VWF: variants seen among roughly 807,000 people sequenced by gnomAD.
VWF encodes Factor VIII related antigen.
Under a neutral mutation model 308.6 loss-of-function variants are expected in VWF, and 176 were observed. The observed-to-expected ratio is 0.57, with a 90% CI of 0.50 to 0.65. VWF has a LOEUF of 0.65. Among genes scored for constraint, VWF ranks in the 30% least tolerant of loss-of-function variants. VWF has a pLI of 0.00. For synonymous variants in VWF, 1,385 were observed against 1,443.4 expected (o/e 0.96, Z 0.92); for missense variants, 3,146 against 3,648.2 (o/e 0.86, Z 3.55).
chr12:5,963,974 A>G (rs530785603), intron 47 of VWF, among the ~76,000 whole-genome samples: 57 of 152,256 alleles, frequency 3.7e-4, no homozygotes, highest in East Asian at 1.5e-3. Context: ...TTGGGAGGCC[A>G]AGGTGGGCAG....
chr12:6,058,051 G>C lies in VWF; in HGVS notation c.1534-7C>G. On this transcript the variant is annotated splice_region_variant and splice_polypyrimidine_tract_variant and intron_variant, in intron 13 of 51. Transcript: ENST00000261405. This position sits in a 1 kb window ranked among gnomAD's most constrained non-coding sequence, Gnocchi z 4.9. ...CGGCATAGACGGGGGACAGCTGCAG[G>C]AGAGACCAGGCCACTCTGGAGCCGC... The C allele has an allele frequency of 1.2e-6, 2 of 1,612,986 alleles. No individual in the cohort carries two copies. Among genetic ancestry groups the C allele is most frequent in the Non-Finnish European group, 1.7e-6 (2 of 1,180,020 alleles).
intron 47 of VWF, 118 bp downstream of exon 47, chr12:5,967,368 T>C: frequency 1.1e-6 from 1 of 884,016 alleles, no homozygotes; most frequent in Non-Finnish European, 1.9e-6. Flanking sequence ...TGTCAATTAT[T>C]GTTTATAATC....
rs1367049080 is a variant in VWF, at chr12:6,052,690, T to C, written c.2039A>G (p.Asn680Ser). 6.2e-7 allele frequency: 1 copy of C among 1,614,200 alleles called. No homozygotes were observed. Among genetic ancestry groups the C allele is most frequent in the Non-Finnish European group, 8.5e-7 (1 of 1,180,030 alleles). ...RSLSYPDEEC[N>S]EACLEGCFCP... The stretch of plus-strand genomic sequence containing the variant: ...GAAGCAGCCCTCCAGGCAGGCCTCA[T>C]TGCATTCCTCATCCGGGTAAGAGAG... The change falls in exon 16 of 52, where the codon AAT becomes AGT. Residue 680 changes from asparagine (N) to serine (S), a missense_variant. This residue lies in a region of VWF where 1,304 missense variants were observed against 1,353.0 expected (regional missense o/e 0.96). Coordinates refer to ENST00000261405, the MANE Select transcript of VWF (RefSeq NM_000552.5).
Position 6,058,385 on chromosome 12 carries a change from T to A in VWF, c.1534-341A>T, listed in dbSNP as rs977752333. Among the ~76,000 whole-genome samples the A allele has an allele frequency of 1.3e-5, 2 of 151,870 alleles. No individual in the cohort carries two copies. Among genetic ancestry groups the A allele is most frequent in the African/African-American group, 4.8e-5 (2 of 41,358 alleles). Reference sequence around the variant, plus strand: ...CAGGGAGGTAGTGGCGGAGCTAGGGTGAGTAGGCAGGTTGAGCCCAGCCCG... The same window carrying A: ...CAGGGAGGTAGTGGCGGAGCTAGGGAGAGTAGGCAGGTTGAGCCCAGCCCG... On this transcript the variant is annotated intron_variant, in intron 13 of 51. Transcript: ENST00000261405. The surrounding 1 kb of genome is among the most constrained non-coding windows in gnomAD (Gnocchi z 4.9).
intron 20 of VWF, among the ~76,000 whole-genome samples, chr12:6,033,286 G>A (rs537089540): frequency 6.6e-6 from 1 of 152,336 alleles, no homozygotes; most frequent in Non-Finnish European, 1.5e-5. Context: ...AGAAAGGGGA[G>A]GGGCCCCAGG....
chr12:6,122,002 C>T (rs939705145), intron 2 of VWF, among the ~76,000 whole-genome samples: 1 of 152,036 alleles, frequency 6.6e-6, no homozygotes, highest in African/African-American at 2.4e-5. Context: ...CAACATTCAG[C>T]GATGATTAGA....
At chr12:6,033,850 G>A (rs1944301162) in intron 20 of VWF, among the ~76,000 whole-genome samples, 1 of 152,184 alleles carries the variant, frequency 6.6e-6, no homozygotes, top group African/African-American at 2.4e-5. Flanking sequence ...CTTCCATTCA[G>A]ACCACACCAA....
chr12:6,008,556 G>A (rs1465498799), intron 34 of VWF, among the ~76,000 whole-genome samples: 1 of 152,096 alleles, frequency 6.6e-6, no homozygotes, highest in Non-Finnish European at 1.5e-5. Flanking sequence ...AAATACCACA[G>A]CTAACATCAC....
At chr12:5,951,560 C>G (rs1943191217) in intron 50 of VWF, among the ~76,000 whole-genome samples, 1 of 152,146 alleles carries the variant, frequency 6.6e-6, no homozygotes, top group African/African-American at 2.4e-5. Flanking sequence ...ACATAAGAAG[C>G]TGGAGACAGG....
At chr12:5,998,962 C>A (rs1423549440) in intron 34 of VWF, among the ~76,000 whole-genome samples, 1 of 152,146 alleles carries the variant, frequency 6.6e-6, no homozygotes, top group South Asian at 2.1e-4. Context: ...CTCCTGACCT[C>A]GTGATCTGCC....
chr12:6,036,315 T>G, intron 19 of VWF, 73 bp downstream of exon 19: 1 of 1,383,684 alleles, frequency 7.2e-7, no homozygotes, highest in African/African-American at 1.4e-5. Context: ...GTGCGGAAGG[T>G]CCTGTGGCCG....
At chr12:6,118,129 G>T (rs942739553) in intron 3 of VWF, among the ~76,000 whole-genome samples, 1 of 152,184 alleles carries the variant, frequency 6.6e-6, no homozygotes, top group East Asian at 1.9e-4. Flanking sequence ...CTGACTTGGG[G>T]AGAGGTCTGG....
intron 5 of VWF, among the ~76,000 whole-genome samples, chr12:6,096,986 T>TC (rs139100071): frequency 3.3e-5 from 5 of 151,648 alleles, no homozygotes; most frequent in Admixed American, 1.3e-4. Flanking sequence ...CAGAAAAAGA[T>TC]CCCCCCCACA....
chr12:6,118,398 T>G (rs1419230275), intron 3 of VWF, among the ~76,000 whole-genome samples: 19 of 133,284 alleles, frequency 1.4e-4, no homozygotes, highest in Admixed American at 1.2e-3. Flanking sequence ...TTTTTTTTTT[T>G]TTTTTTTTGA....
intron 6 of VWF, among the ~76,000 whole-genome samples, chr12:6,083,807 A>G (rs966069280): frequency 3.3e-5 from 5 of 152,192 alleles, no homozygotes; most frequent in Non-Finnish European, 5.9e-5. Flanking sequence ...AATACCCAGT[A>G]GGCTATAAGC....
chr12:5,980,550 G>T (rs1008356265), intron 42 of VWF, among the ~76,000 whole-genome samples: 1 of 152,116 alleles, frequency 6.6e-6, no homozygotes, highest in Non-Finnish European at 1.5e-5. Flanking sequence ...ATAGATTAAA[G>T]ACACACAAGA....
chr12:6,087,116 G>A (rs561987062), intron 6 of VWF, among the ~76,000 whole-genome samples: 71 of 152,250 alleles, frequency 4.7e-4, no homozygotes, highest in Non-Finnish European at 9.6e-4. Context: ...GGAAATCTGA[G>A]GCTATTCAGT....
intron 8 of VWF, among the ~76,000 whole-genome samples, 193 bp downstream of exon 8, chr12:6,073,426 C>A (rs1193452913): frequency 6.6e-6 from 1 of 152,182 alleles, no homozygotes; most frequent in Non-Finnish European, 1.5e-5. Context: ...GGATACAGTA[C>A]AACAGGACAA....
chr12:5,995,839 G>C (rs1232760525), intron 35 of VWF, among the ~76,000 whole-genome samples, 163 bp downstream of exon 35: 1 of 152,126 alleles, frequency 6.6e-6, no homozygotes, highest in Non-Finnish European at 1.5e-5. Flanking sequence ...AAGACAAGGG[G>C]ATGGCAATAA....
Sources: allele counts gnomAD v4.1 joint callset (sites outside exome capture counted in the v4.1 genomes callset), GRCh38; gene constraint gnomAD v4.1.1; regional missense constraint gnomAD v4.1.1; non-coding constraint Gnocchi (gnomAD v3.1); transcripts MANE v1.5; gene names NCBI Gene and HGNC (gene_info 2026-07-23, HGNC 2026-07-21).